ACSBG2: variants seen among roughly 807,000 people sequenced by gnomAD.
ACSBG2 encodes the protein long-chain-fatty-acid--CoA ligase ACSBG2.
Under a neutral mutation model 74.7 loss-of-function variants are expected in ACSBG2, and 62 were observed. The observed-to-expected ratio is 0.83, with a 90% CI of 0.68 to 1.03. The LOEUF is 1.03. ACSBG2 is among the 50% of genes least tolerant of loss of function. The pLI is 0.00. For missense variants in ACSBG2, 730 were observed against 817.6 expected (o/e 0.89, Z 1.31); for synonymous variants, 309 against 294.1 (o/e 1.05, Z -0.52).
intron 13 of ACSBG2, chr19:6,189,677 C>T (rs528125562): frequency 1.4e-4 from 22 of 152,056 alleles, no homozygotes; most frequent in South Asian, 2.1e-4. Flanking sequence ...GATGAGTGCG[C>T]GCCACCATGC....
chr19:6,165,045 T>G (rs963245111), intron 6 of ACSBG2, among the ~76,000 whole-genome samples: 1 of 152,208 alleles, frequency 6.6e-6, no homozygotes, highest in Non-Finnish European at 1.5e-5. Flanking sequence ...TGGTCGTAAG[T>G]GACAAAAGTC....
chr19:6,168,051 CCT>C (rs2089862196), intron 7 of ACSBG2, among the ~76,000 whole-genome samples: 1 of 150,976 alleles, frequency 6.6e-6, no homozygotes, highest in African/African-American at 2.4e-5. Context: ...TCCCAATCCT[CCT>C]CTGTCTGCAG....
intron 8 of ACSBG2, among the ~76,000 whole-genome samples, chr19:6,179,015 T>C (rs2145214683): frequency 6.6e-6 from 1 of 152,276 alleles, no homozygotes; most frequent in East Asian, 1.9e-4. Flanking sequence ...CAGGCATCCA[T>C]GTGGGATAGG....
chr19:6,165,251 G>C (rs1223207532), intron 6 of ACSBG2, among the ~76,000 whole-genome samples: 3 of 152,194 alleles, frequency 2.0e-5, no homozygotes, highest in African/African-American at 7.2e-5. Context: ...TGGTTCAGCA[G>C]CTCCTAGAGC....
intron 7 of ACSBG2, among the ~76,000 whole-genome samples, chr19:6,169,059 G>GT (rs1555694799): frequency 6.6e-6 from 1 of 152,186 alleles, no homozygotes; most frequent in Non-Finnish European, 1.5e-5. Context: ...AATTACAGGC[G>GT]TGAGCCATGG....
chr19:6,142,494 C>T (rs760613468), intron 2 of ACSBG2, among the ~76,000 whole-genome samples: 5 of 151,842 alleles, frequency 3.3e-5, no homozygotes, highest in Non-Finnish European at 5.9e-5. Flanking sequence ...GGCTCACACC[C>T]GTAATCCCAG....
chr19:6,187,646 C>T lies in ACSBG2; in HGVS notation c.1728C>T (p.Phe576=), dbSNP rs16993453. The T allele has an allele frequency of 0.046, 73,448 of 1,613,882 alleles. 2,858 individuals are homozygous for T. Among genetic ancestry groups the T allele is most frequent in the African/African-American group, 0.2 (14,972 of 74,884 alleles). The change falls in exon 13 of 15, where the codon TTC becomes TTT. Residue 576 remains phenylalanine (F), a synonymous_variant. Coordinates refer to ENST00000588485, the MANE Select transcript of ACSBG2 (RefSeq NM_030924.5). The part of the protein sequence containing the change: ...MSGEPLDKLN[F]EAINFCRGLG... ...GAGAACCTCTGGACAAGCTGAACTT[C>T]GAGGCCATCAACTTCTGTCGGGGTC...
At chr19:6,142,186 C>T (rs1348535037) in intron 2 of ACSBG2, among the ~76,000 whole-genome samples, 3 of 152,230 alleles carry the variant, frequency 2.0e-5, no homozygotes, top group Non-Finnish European at 4.4e-5. Context: ...GCATTGATAA[C>T]AGCACCTCCC....
At chr19:6,144,496 C>T (rs1195908183) in intron 2 of ACSBG2, among the ~76,000 whole-genome samples, 3 of 152,198 alleles carry the variant, frequency 2.0e-5, no homozygotes, top group Non-Finnish European at 2.9e-5. Context: ...AGGAGAAAGT[C>T]ATTGGTCAGA....
intron 7 of ACSBG2, among the ~76,000 whole-genome samples, 185 bp downstream of exon 7, chr19:6,166,200 C>G (rs1350194846): frequency 2.0e-5 from 3 of 151,614 alleles, no homozygotes; most frequent in African/African-American, 7.3e-5. Flanking sequence ...TCAAGGAATG[C>G]TGGCCATGTC....
In ACSBG2 at chr19:6,174,605, G is replaced by A. The variant is rs184906737; in HGVS notation, c.739-2624G>A. ...AGGAGGATTGCTTGAAGCCAGGATT[G>A]TTTGAGAGAAGGCTGGGAAACACAG... On this transcript the variant is annotated intron_variant, in intron 7 of 14. Transcript: ENST00000588485. This position sits in a 1 kb window ranked among gnomAD's most constrained non-coding sequence, Gnocchi z 4.2. Among the ~76,000 whole-genome samples, 83 of 152,306 alleles carry A rather than the reference G, an allele frequency of 5.4e-4. No individual in the cohort carries two copies. The highest frequency in any genetic ancestry group is 1.9e-3 in the African/African-American group (81 of 41,570).
chr19:6,140,669 A>G (rs1283475443), intron 1 of ACSBG2, among the ~76,000 whole-genome samples: 2 of 152,094 alleles, frequency 1.3e-5, no homozygotes, highest in African/African-American at 4.8e-5. Context: ...GACAAAACCA[A>G]ACCAAACCCC....
Position 6,185,389 on chromosome 19 carries a change from T to C in ACSBG2, c.1323-47T>C, listed in dbSNP as rs139495502. 6.4e-3 allele frequency: 10,250 copies of C among 1,603,248 alleles called. 61 individuals are homozygous for C. The highest frequency in any genetic ancestry group is 0.017 in the East Asian group (752 of 44,820). ...GAAGATCCAGGCAGAGCTGGGTGGCTGACTTTGTCCCTATGAGCCTGTTTC... is the reference window on the plus strand; with the variant it reads ...GAAGATCCAGGCAGAGCTGGGTGGCCGACTTTGTCCCTATGAGCCTGTTTC... On this transcript the variant is annotated intron_variant, in intron 10 of 14. Transcript: ENST00000588485.
intron 1 of ACSBG2, among the ~76,000 whole-genome samples, chr19:6,140,450 C>T (rs190415179): frequency 3.7e-4 from 57 of 152,266 alleles, no homozygotes; most frequent in African/African-American, 1.3e-3. Context: ...GAGGCTGAGG[C>T]GGGCGGATCA....
chr19:6,143,607 T>C (rs565996747), intron 2 of ACSBG2, among the ~76,000 whole-genome samples: 1 of 152,106 alleles, frequency 6.6e-6, no homozygotes, highest in Non-Finnish European at 1.5e-5. Context: ...ATCCCACAAG[T>C]GTCCAGGTGA....
chr19:6,172,357 T>A (rs926803292), intron 7 of ACSBG2, among the ~76,000 whole-genome samples: 1 of 152,202 alleles, frequency 6.6e-6, no homozygotes, highest in African/African-American at 2.4e-5. Context: ...ATGGGGCTTT[T>A]GTATTTTTTA....
chr19:6,147,230 T>A (rs2145030129), intron 2 of ACSBG2, among the ~76,000 whole-genome samples: 2 of 152,294 alleles, frequency 1.3e-5, no homozygotes, highest in South Asian at 2.1e-4. Context: ...TGGTATACAA[T>A]CCTTTTGACT....
intron 1 of ACSBG2, among the ~76,000 whole-genome samples, chr19:6,140,286 A>G (rs1012412287): frequency 6.6e-6 from 1 of 152,004 alleles, no homozygotes; most frequent in Admixed American, 6.6e-5. Flanking sequence ...GTGGTGGTAC[A>G]AACACCACTC....
chr19:6,166,588 C>T (rs2089817048), intron 7 of ACSBG2, among the ~76,000 whole-genome samples: 1 of 151,998 alleles, frequency 6.6e-6, no homozygotes, highest in East Asian at 1.9e-4. Flanking sequence ...GCTGGGATTA[C>T]AGGCATGAGC....
Sources: gnomAD v4.1 joint callset for allele counts (sites outside exome capture counted in the v4.1 genomes callset) on GRCh38, gnomAD v4.1.1 for gene constraint, Gnocchi (gnomAD v3.1) non-coding constraint, MANE v1.5 for transcripts, NCBI Gene and HGNC (gene_info 2026-07-23, HGNC 2026-07-21) for gene names.